The following MKLN1 variants were observed in gnomAD, a reference collection of about 807,000 sequenced individuals.
MKLN1 encodes the protein muskelin 1.
In MKLN1, 18 loss-of-function variants were observed where a neutral mutation model predicts 99.0. The observed-to-expected ratio is 0.18, with a 90% CI of 0.13 to 0.27. MKLN1 has a LOEUF of 0.27. Among genes scored for constraint, MKLN1 ranks in the 10% least tolerant of loss-of-function variants. The pLI is 1.00. For synonymous variants in MKLN1, 288 were observed against 293.2 expected, an observed-to-expected ratio of 0.98 and a Z score of 0.18; for missense variants, 621 against 875.9, an observed-to-expected ratio of 0.71 and a Z score of 3.67.
At chr7:131,324,070 C>T (rs946738244), upstream of MKLN1, among the ~76,000 whole-genome samples, 11 of 152,252 alleles carry the variant, frequency 7.2e-5, no homozygotes, top group East Asian at 7.7e-4. Flanking sequence ...AAACTTGACC[C>T]AAACCCCTGG....
intron 2 of MKLN1, among the ~76,000 whole-genome samples, chr7:131,190,410 C>T (rs1796517431): frequency 6.6e-6 from 1 of 151,212 alleles, no homozygotes; most frequent in South Asian, 2.1e-4. Flanking sequence ...AGCAGAACAG[C>T]AGCCCTCGAT....
chr7:131,269,105 T>C (rs1308292981), intron 3 of MKLN1, among the ~76,000 whole-genome samples: 1 of 152,256 alleles, frequency 6.6e-6, no homozygotes, highest in Non-Finnish European at 1.5e-5. Context: ...TGGCAAGTCA[T>C]CTGCCCAAAG....
At chr7:131,442,605 G>T (rs1361493264) in intron 10 of MKLN1, among the ~76,000 whole-genome samples, 5 of 152,148 alleles carry the variant, frequency 3.3e-5, no homozygotes, top group Non-Finnish European at 7.3e-5. Flanking sequence ...ATAAATAGCA[G>T]AAGTAATCTG....
rs1797524833 is a variant in MKLN1, at chr7:131,495,200, C to T, written c.*7472C>T. The T allele has an allele frequency of 6.6e-6, 1 of 152,108 alleles. No homozygotes were observed. The highest frequency in any genetic ancestry group is 6.6e-5 in the Admixed American group (1 of 15,258). 9.4% of individuals were successfully genotyped at this position (152,108 alleles called of 1,614,324 possible). On this transcript the variant is annotated 3_prime_UTR_variant, in exon 18 of 18. Coordinates refer to ENST00000352689, the MANE Select transcript of MKLN1 (RefSeq NM_013255.5). ...ACTCAGTAGTCAGAAATTAAGATCC[C>T]CTCTGATAGAGATAGATTCTCAAAA...
At chr7:131,396,074 A>G (rs1794350412) in intron 4 of MKLN1, among the ~76,000 whole-genome samples, 2 of 151,848 alleles carry the variant, frequency 1.3e-5, no homozygotes, top group Admixed American at 1.3e-4. Flanking sequence ...GAATATATAT[A>G]TATATTTTTT....
chr7:131,411,238 A>AT, intron 6 of MKLN1, 68 bp from the exon 7 acceptor site: 2 of 943,072 alleles, frequency 2.1e-6, no homozygotes, highest in South Asian at 1.8e-5. Context: ...TTAAATTTTA[A>AT]TTTTTTTCTA....
chr7:131,360,444 C>G (rs1563310650), intron 1 of MKLN1, among the ~76,000 whole-genome samples: 1 of 152,134 alleles, frequency 6.6e-6, no homozygotes. Context: ...CTTAGCATAT[C>G]AGTTACACTT....
chr7:131,495,876 C>T lies in MKLN1; in HGVS notation c.*8148C>T, dbSNP rs1200996439. 1 of 152,066 alleles carries T rather than the reference C, an allele frequency of 6.6e-6. No homozygotes were observed. Among genetic ancestry groups the T allele is most frequent in the East Asian group, 1.9e-4 (1 of 5,196 alleles). The allele number at this position is 152,066 out of a possible 1,614,324, so 9.4% of individuals were successfully genotyped here. A position where few individuals can be genotyped will look rare whatever the true frequency, so the allele number is the denominator to read the frequency against. On this transcript the variant is annotated 3_prime_UTR_variant, in exon 18 of 18. Coordinates refer to ENST00000352689, the MANE Select transcript of MKLN1 (RefSeq NM_013255.5). ...TAAGTCCGTTATGCACCATTATGGG[C>T]ATATGGAGCATATTCATACCATGAG...
intron 2 of MKLN1, among the ~76,000 whole-genome samples, chr7:131,175,052 AT>A (rs1796275130): frequency 6.6e-6 from 1 of 151,446 alleles, no homozygotes; most frequent in African/African-American, 2.4e-5. Flanking sequence ...GGATGGATGG[AT>A]GGATGGATGG....
intron 1 of MKLN1, among the ~76,000 whole-genome samples, chr7:131,334,834 T>C (rs1293217388): frequency 1.3e-5 from 2 of 152,238 alleles, no homozygotes; most frequent in Non-Finnish European, 1.5e-5. Flanking sequence ...TTTATAGACA[T>C]TTTAATATGT....
At chr7:131,472,681 T>C (rs1006772818) in intron 16 of MKLN1, among the ~76,000 whole-genome samples, 2 of 152,032 alleles carry the variant, frequency 1.3e-5, no homozygotes, top group African/African-American at 4.8e-5. Context: ...CTGGGCGCGG[T>C]GGCTCACGCC....
intron 2 of MKLN1, among the ~76,000 whole-genome samples, chr7:131,170,986 T>C (rs1207265759): frequency 6.6e-6 from 1 of 152,194 alleles, no homozygotes; most frequent in Non-Finnish European, 1.5e-5. Context: ...CAGTTCTAAA[T>C]GCTGCAAAAG....
chr7:131,176,482 T>C (rs1179569291), intron 2 of MKLN1, among the ~76,000 whole-genome samples: 1 of 152,252 alleles, frequency 6.6e-6, no homozygotes, highest in Non-Finnish European at 1.5e-5. Context: ...AGATTTCTTG[T>C]CTTTTAAGCC....
intron 3 of MKLN1, among the ~76,000 whole-genome samples, chr7:131,249,936 C>T (rs1196038369): frequency 6.6e-6 from 1 of 151,882 alleles, no homozygotes; most frequent in Non-Finnish European, 1.5e-5. Flanking sequence ...GACTTTCTGT[C>T]AGGGAAGGAG....
intron 1 of MKLN1, among the ~76,000 whole-genome samples, chr7:131,344,697 C>T (rs1441224738): frequency 2.6e-5 from 4 of 152,204 alleles, no homozygotes; most frequent in Non-Finnish European, 5.9e-5. Context: ...TATTCACCAG[C>T]AGTATTGTTA....
At chr7:131,320,221 CA>C (rs766719343) in intron 3 of MKLN1, among the ~76,000 whole-genome samples, 8 of 152,042 alleles carry the variant, frequency 5.3e-5, no homozygotes, top group Non-Finnish European at 1.2e-4. Context: ...ATACTGGTAC[CA>C]AAACAGATAC....
At chr7:131,436,541 C>T (rs896712127) in intron 9 of MKLN1, among the ~76,000 whole-genome samples, 5 of 152,124 alleles carry the variant, frequency 3.3e-5, no homozygotes, top group South Asian at 2.1e-4. Context: ...TACACAAGGG[C>T]GTAGATTTGC....
intron 1 of MKLN1, among the ~76,000 whole-genome samples, chr7:131,350,343 A>G (rs998578107): frequency 2.0e-5 from 3 of 151,884 alleles, no homozygotes; most frequent in African/African-American, 7.3e-5. Context: ...TACAGGCATG[A>G]GCCGCTGCAC....
At chr7:131,300,398 G>A (rs1029985472) in intron 3 of MKLN1, among the ~76,000 whole-genome samples, 13 of 151,856 alleles carry the variant, frequency 8.6e-5, no homozygotes, top group African/African-American at 3.1e-4. Context: ...GATCAATGTG[G>A]GGCTGGGGGT....
Sources: allele counts gnomAD v4.1 joint callset (sites outside exome capture counted in the v4.1 genomes callset), GRCh38; gene constraint gnomAD v4.1.1; transcripts MANE v1.5; gene names NCBI Gene and HGNC (gene_info 2026-07-23, HGNC 2026-07-21).